BRD10: variants seen among roughly 807,000 people sequenced by gnomAD.
BRD10 encodes the protein bromodomain containing 10, also known as uncharacterized bromodomain-containing protein 10.
chr9:5,975,482 C>T, the BRD10 span, among the ~76,000 whole-genome samples: 1 of 137,700 alleles, frequency 7.3e-6, no homozygotes, highest in African/African-American at 2.6e-5. Flanking sequence ...GCAATAAGGT[C>T]ATTAAAGTAG....
At chr9:5,938,204 G>T in the BRD10 span, among the ~76,000 whole-genome samples, 1 of 152,300 alleles carries the variant, frequency 6.6e-6, no homozygotes, top group East Asian at 1.9e-4. Flanking sequence ...ACTTTGGGAG[G>T]CTAAGGCAGG....
At chr9:5,996,358 A>C in the BRD10 span, among the ~76,000 whole-genome samples, 21 of 151,944 alleles carry the variant, frequency 1.4e-4, no homozygotes, top group Non-Finnish European at 2.9e-4. Context: ...TTACTCTGTC[A>C]CCCAGGCTGG....
the BRD10 span, among the ~76,000 whole-genome samples, chr9:5,884,325 C>T: frequency 5.8e-3 from 885 of 152,352 alleles, 13 homozygotes; most frequent in African/African-American, 0.02. Flanking sequence ...ACACAGCCTA[C>T]AAGATCAGTC....
the BRD10 span, chr9:5,922,059 T>A: frequency 1.2e-5 from 20 of 1,613,912 alleles, no homozygotes; most frequent in African/African-American, 2.7e-5. Context: ...GGAGCAAAAG[T>A]GAAAACTGAA....
the BRD10 span, chr9:5,968,399 C>G: frequency 6.2e-7 from 1 of 1,612,078 alleles, no homozygotes; most frequent in Non-Finnish European, 8.5e-7. Context: ...TTCTATAAAC[C>G]TTATTTCACC....
the BRD10 span, among the ~76,000 whole-genome samples, chr9:5,991,166 TTGTG>T: frequency 5.1e-5 from 7 of 137,422 alleles, no homozygotes; most frequent in Admixed American, 1.5e-4. Context: ...CATGTGTGTT[TTGTG>T]TGTGTGTGTG....
the BRD10 span, among the ~76,000 whole-genome samples, chr9:5,955,155 T>C: frequency 2.0e-5 from 3 of 152,032 alleles, no homozygotes; most frequent in South Asian, 2.1e-4. Flanking sequence ...TTTCCCCCAA[T>C]TTGTAATTAG....
chr9:5,994,760 G>T, the BRD10 span, among the ~76,000 whole-genome samples: 1 of 151,982 alleles, frequency 6.6e-6, no homozygotes, highest in Non-Finnish European at 1.5e-5. Context: ...TACTGAGCAG[G>T]GTAGAAAAAA....
the BRD10 span, among the ~76,000 whole-genome samples, chr9:5,994,127 T>G: frequency 6.6e-6 from 1 of 152,144 alleles, no homozygotes; most frequent in African/African-American, 2.4e-5. Flanking sequence ...TCAAAACTAA[T>G]GAAGTATCAC....
the BRD10 span, among the ~76,000 whole-genome samples, chr9:6,003,922 T>C: frequency 1.3e-5 from 2 of 152,228 alleles, no homozygotes; most frequent in African/African-American, 2.4e-5. Flanking sequence ...CAGTGGGTCA[T>C]CCTGTCTACT....
At chr9:5,924,764 A>G in the BRD10 span, 53 of 1,606,208 alleles carry the variant, frequency 3.3e-5, no homozygotes, top group Admixed American at 2.2e-4. Context: ...CTTCACCTTC[A>G]TCAGTGGTCC....
the BRD10 span, among the ~76,000 whole-genome samples, chr9:5,902,668 CTT>C: frequency 5.7e-5 from 8 of 141,012 alleles, no homozygotes; most frequent in East Asian, 2.1e-4. Flanking sequence ...GATTAATTTT[CTT>C]TTTTTTTTTT....
At chr9:6,006,436 GAC>G in the BRD10 span, among the ~76,000 whole-genome samples, 2 of 152,184 alleles carry the variant, frequency 1.3e-5, no homozygotes, top group East Asian at 1.9e-4. Flanking sequence ...TAACTTGGCT[GAC>G]ACAGACTATA....
the BRD10 span, among the ~76,000 whole-genome samples, chr9:5,882,501 G>A: frequency 6.6e-6 from 1 of 152,162 alleles, no homozygotes. Context: ...TTGTATGCCT[G>A]ATAACAAAAG....
the BRD10 span, among the ~76,000 whole-genome samples, chr9:5,887,076 T>G: frequency 1.9e-4 from 29 of 152,180 alleles, no homozygotes; most frequent in African/African-American, 7.0e-4. Context: ...CTGGCCAAAA[T>G]AGCAAAATCC....
the BRD10 span, chr9:5,933,645 A>C: frequency 2.9e-5 from 11 of 383,932 alleles, no homozygotes; most frequent in South Asian, 2.3e-4. Flanking sequence ...TTAATAACTT[A>C]AGGAATCATA....
chr9:5,919,046 C>G, the BRD10 span: 3 of 152,532 alleles, frequency 2.0e-5, no homozygotes, highest in Non-Finnish European at 4.4e-5. Context: ...TTATTACATG[C>G]AGATTCTTCT....
At chr9:5,987,753 TTTTG>T in the BRD10 span, among the ~76,000 whole-genome samples, 30 of 152,324 alleles carry the variant, frequency 2.0e-4, no homozygotes, top group South Asian at 4.1e-4. Flanking sequence ...TAACTAGTCT[TTTTG>T]TTTGTTTGTT....
chr9:5,960,163 T>A, the BRD10 span, among the ~76,000 whole-genome samples: 1 of 152,220 alleles, frequency 6.6e-6, no homozygotes, highest in Non-Finnish European at 1.5e-5. Context: ...TTGAGGTCAC[T>A]GACCACTTTT....
Sources: gnomAD v4.1 joint callset for allele counts (sites outside exome capture counted in the v4.1 genomes callset) on GRCh38, gnomAD v4.1.1 for gene constraint, MANE v1.5 for transcripts, NCBI Gene and HGNC (gene_info 2026-07-23, HGNC 2026-07-21) for gene names.